Variants in SRGAP2C observed in about 807,000 individuals in gnomAD.
SRGAP2C encodes SLIT-ROBO Rho GTPase activating protein 2C.
Under a neutral mutation model 25.1 loss-of-function variants are expected in SRGAP2C, and 15 were observed. The ratio of observed to expected loss-of-function variants is 0.60; its 90% CI spans 0.40 to 0.92. The LOEUF is 0.92. Ranked by LOEUF, SRGAP2C falls within the 40% of genes least tolerant of loss-of-function variation. The pLI, the probability that SRGAP2C is intolerant of heterozygous loss-of-function variation, is 0.00. For synonymous variants in SRGAP2C, 44 were observed against 96.6 expected, an observed-to-expected ratio of 0.46 and a Z score of 3.19; for missense variants, 144 against 264.4, an observed-to-expected ratio of 0.54 and a Z score of 3.16.
intron 3 of SRGAP2C, among the ~76,000 whole-genome samples, chr1:121,316,154 C>A (rs1220548094): frequency 1.5e-5 from 2 of 137,420 alleles, no homozygotes; most frequent in South Asian, 4.7e-4. Context: ...AGGGGGAGAT[C>A]TTTATGGATA....
intron 2 of SRGAP2C, among the ~76,000 whole-genome samples, chr1:121,258,989 G>C: frequency 9.8e-6 from 1 of 101,542 alleles, no homozygotes; most frequent in Middle Eastern, 4.2e-3. Flanking sequence ...TAAAGTTGCT[G>C]TTTTTGTCTT....
intron 2 of SRGAP2C, among the ~76,000 whole-genome samples, chr1:121,189,123 T>A (rs1465169475): frequency 1.2e-5 from 1 of 84,076 alleles, no homozygotes; most frequent in Non-Finnish European, 2.3e-5. Flanking sequence ...TTTTTTTTTT[T>A]AACACATCCT....
Position 121,268,092 on chromosome 1 carries a change from G to A in SRGAP2C, c.68-16711G>A, listed in dbSNP as rs587678707. On this transcript the variant is annotated intron_variant, in intron 2 of 9. Coordinates refer to ENST00000367123, the MANE Select transcript of SRGAP2C (RefSeq NM_001329984.2). ...ACAAAGTGAAGTCCCTACCATCATGGAACTTACACTCTAGTGGGAGGAGAA... is the reference window on the plus strand; with the variant it reads ...ACAAAGTGAAGTCCCTACCATCATGAAACTTACACTCTAGTGGGAGGAGAA... Among the ~76,000 whole-genome samples, 174 of 144,676 alleles carry A rather than the reference G, an allele frequency of 1.2e-3. 1 individual carries two copies. The highest frequency in any genetic ancestry group is 0.011 in the Middle Eastern group (3 of 280). The allele number at this position is 144,676 out of a possible 152,430, so 94.9% of individuals were successfully genotyped here.
At chr1:121,259,758 T>A (rs1303814332) in intron 2 of SRGAP2C, among the ~76,000 whole-genome samples, 1 of 150,448 alleles carries the variant, frequency 6.6e-6, no homozygotes, top group East Asian at 1.9e-4. Flanking sequence ...GTTTAGAAGG[T>A]AATAAGTACA....
At chr1:121,275,323 T>G (rs1553335982) in intron 2 of SRGAP2C, among the ~76,000 whole-genome samples, 1 of 99,996 alleles carries the variant, frequency 1.0e-5, no homozygotes, top group Non-Finnish European at 2.0e-5. Context: ...ATTTGCTGGG[T>G]TTGTTGGTTG....
chr1:121,202,323 C>G (rs1457547496), intron 2 of SRGAP2C, among the ~76,000 whole-genome samples: 1 of 152,056 alleles, frequency 6.6e-6, no homozygotes, highest in East Asian at 1.9e-4. Flanking sequence ...CTTTCCTGTC[C>G]CCTCCCCTCC....
At chr1:121,239,212 AT>A (rs1656046267) in intron 2 of SRGAP2C, among the ~76,000 whole-genome samples, 1 of 4,544 alleles carries the variant, frequency 2.2e-4, no homozygotes, top group African/African-American at 1.9e-3. Flanking sequence ...ATATATATAT[AT>A]ATATATATAT....
At chr1:121,304,115 G>A (rs1301958865) in intron 3 of SRGAP2C, among the ~76,000 whole-genome samples, 4 of 151,484 alleles carry the variant, frequency 2.6e-5, no homozygotes, top group African/African-American at 9.7e-5. Context: ...GGAGGCTGAG[G>A]CAGGAGAATG....
At chr1:121,284,057 T>C (rs1337606863) in intron 2 of SRGAP2C, among the ~76,000 whole-genome samples, 12 of 152,010 alleles carry the variant, frequency 7.9e-5, no homozygotes, top group Non-Finnish European at 1.5e-4. Context: ...ATATGAGTGA[T>C]ATTTGTTAGT....
chr1:121,362,669 C>A (rs587667504), intron 4 of SRGAP2C: 98 of 152,118 alleles, frequency 6.4e-4, no homozygotes, highest in Non-Finnish European at 1.1e-3. Flanking sequence ...GAGGGCAGGG[C>A]GGTGGGAAGT....
chr1:121,356,772 G>T (rs1217875414), intron 4 of SRGAP2C, among the ~76,000 whole-genome samples: 1 of 151,890 alleles, frequency 6.6e-6, no homozygotes, highest in Non-Finnish European at 1.5e-5. Context: ...ATGGAAATTT[G>T]CCAAGACAAA....
chr1:121,348,811 G>GTT (rs1392961895), intron 4 of SRGAP2C, among the ~76,000 whole-genome samples: 1 of 137,488 alleles, frequency 7.3e-6, no homozygotes, highest in Admixed American at 7.7e-5. Flanking sequence ...TTTAGCGTCT[G>GTT]TAAGTACTAA....
intron 3 of SRGAP2C, among the ~76,000 whole-genome samples, chr1:121,293,544 G>C (rs1657534545): frequency 6.6e-6 from 1 of 151,838 alleles, no homozygotes; most frequent in African/African-American, 2.4e-5. Flanking sequence ...AAATAGACAA[G>C]ATGGGGCCAA....
chr1:121,255,503 G>C (rs1361293951), intron 2 of SRGAP2C, among the ~76,000 whole-genome samples: 3 of 150,930 alleles, frequency 2.0e-5, no homozygotes, highest in Non-Finnish European at 1.5e-5. Context: ...CCCAGATCAA[G>C]AGATACTTTT....
At chr1:121,380,507 T>C (rs1659787901) in intron 7 of SRGAP2C, among the ~76,000 whole-genome samples, 1 of 150,480 alleles carries the variant, frequency 6.6e-6, no homozygotes, top group African/African-American at 2.4e-5. Flanking sequence ...GAAGACAGAT[T>C]ACAGTTTGTT....
rs138059541 is a variant in SRGAP2C, at chr1:121,254,422, T to TAA, written c.68-30375_68-30374dup. ...GTTCAGGATAGTGCTCTGCTGATTT[T>TAA]AAAAAAACATTTAAAATAACATTTC... On this transcript the variant is annotated intron_variant, in intron 2 of 9. Coordinates refer to ENST00000367123, the MANE Select transcript of SRGAP2C (RefSeq NM_001329984.2). Among the ~76,000 whole-genome samples the TAA allele has an allele frequency of 2.4e-4, 14 of 58,360 alleles. 3 individuals carry two copies. The highest frequency in any genetic ancestry group is 5.0e-4 in the Non-Finnish European group (13 of 25,852). The allele number at this position is 58,360 out of a possible 152,430, so 38.3% of individuals were successfully genotyped here. A position where few individuals can be genotyped will look rare whatever the true frequency, so the allele number is the denominator to read the frequency against.
intron 3 of SRGAP2C, among the ~76,000 whole-genome samples, chr1:121,321,066 C>T (rs1658193974): frequency 6.6e-6 from 1 of 150,774 alleles, no homozygotes; most frequent in Non-Finnish European, 1.5e-5. Flanking sequence ...TAATTAATAG[C>T]ATATTGTTCA....
chr1:121,282,705 C>T (rs1657276001), intron 2 of SRGAP2C, among the ~76,000 whole-genome samples: 2 of 137,210 alleles, frequency 1.5e-5, no homozygotes, highest in African/African-American at 2.7e-5. Context: ...CAGGCACCTG[C>T]CACCATGCCT....
chr1:121,313,820 T>G (rs1444630792), intron 3 of SRGAP2C, among the ~76,000 whole-genome samples: 1 of 133,114 alleles, frequency 7.5e-6, no homozygotes, highest in Non-Finnish European at 1.6e-5. Flanking sequence ...GGCTTCCCTT[T>G]GAGGGTAACC....
Sources: allele counts gnomAD v4.1 joint callset (sites outside exome capture counted in the v4.1 genomes callset), GRCh38; gene constraint gnomAD v4.1.1; transcripts MANE v1.5; gene names NCBI Gene and HGNC (gene_info 2026-07-23, HGNC 2026-07-21).